Variants in MRLN observed in about 807,000 individuals in gnomAD.
MRLN encodes myoregulin, also known as Linc-RNA activator of myogenesis.
intron 1 of MRLN, among the ~76,000 whole-genome samples, chr10:59,751,175 T>C (rs1841099300): frequency 6.6e-6 from 1 of 152,124 alleles, no homozygotes; most frequent in Non-Finnish European, 1.5e-5. Context: ...TGAAAATAGA[T>C]GGTTAGGCTG....
At chr10:59,745,327 T>A (rs1363129799) in intron 1 of MRLN, among the ~76,000 whole-genome samples, 3 of 152,194 alleles carry the variant, frequency 2.0e-5, no homozygotes, top group Admixed American at 6.5e-5. Context: ...TGCTACAACT[T>A]ACTGAATGTG....
At chr10:59,741,012 G>T (rs1360057500) in intron 1 of MRLN, among the ~76,000 whole-genome samples, 3 of 152,028 alleles carry the variant, frequency 2.0e-5, no homozygotes, top group Non-Finnish European at 4.4e-5. Context: ...TGGCCAGGCT[G>T]GTCTTGAGCT....
intron 1 of MRLN, among the ~76,000 whole-genome samples, chr10:59,743,162 AT>A (rs1361574001): frequency 3.3e-5 from 5 of 151,874 alleles, no homozygotes; most frequent in African/African-American, 1.2e-4. Context: ...AATTTGGGTG[AT>A]TTTCTTTTCC....
At chr10:59,742,989 CAA>C (rs1264129839) in intron 1 of MRLN, among the ~76,000 whole-genome samples, 1 of 152,128 alleles carries the variant, frequency 6.6e-6, no homozygotes, top group African/African-American at 2.4e-5. Flanking sequence ...CTCAGCCTCC[CAA>C]AGTGGTGGGA....
At chr10:59,738,330 T>G (rs1840945062) in intron 2 of MRLN, 129 bp downstream of exon 2, 1 of 152,208 alleles carries the variant, frequency 6.6e-6, no homozygotes, top group Admixed American at 6.5e-5. Context: ...TTGTGTTTCT[T>G]CAGTCTGTGG....
chr10:59,750,232 G>A (rs1054408533), intron 1 of MRLN, among the ~76,000 whole-genome samples: 4 of 151,568 alleles, frequency 2.6e-5, no homozygotes, highest in Admixed American at 1.3e-4. Context: ...CCACCACACC[G>A]GTTAATTTTT....
chr10:59,751,858 C>T (rs149605008), intron 1 of MRLN, among the ~76,000 whole-genome samples: 152 of 152,152 alleles, frequency 1.0e-3, no homozygotes, highest in African/African-American at 3.3e-3. Context: ...TCCTGAGTTA[C>T]AGAGCAACAC....
chr10:59,742,208 T>G (rs974229039), intron 1 of MRLN, among the ~76,000 whole-genome samples: 1 of 152,164 alleles, frequency 6.6e-6, no homozygotes, highest in African/African-American at 2.4e-5. Flanking sequence ...AATTGTGGCA[T>G]AGTCATATAA....
At chr10:59,739,410 T>C (rs892566489) in intron 1 of MRLN, 3 of 152,190 alleles carry the variant, frequency 2.0e-5, no homozygotes, top group African/African-American at 7.2e-5. Context: ...ACTACACATA[T>C]CCTCCCATAT....
intron 1 of MRLN, among the ~76,000 whole-genome samples, chr10:59,751,964 T>C (rs2070161042): frequency 1.3e-5 from 2 of 152,150 alleles, no homozygotes; most frequent in African/African-American, 2.4e-5. Context: ...TTTGGAAACA[T>C]AGAAAGACAG....
At chr10:59,747,904 A>T (rs79933889) in intron 1 of MRLN, among the ~76,000 whole-genome samples, 2,537 of 152,304 alleles carry the variant, frequency 0.017, 62 homozygotes, top group African/African-American at 0.052. Context: ...AACAAGAAAA[A>T]CATACATAAT....
rs761731461 is a variant in MRLN at position 59,740,804 on chromosome 10, CTTTT to C, written c.-124-2246_-124-2243del. The stretch of plus-strand genomic sequence containing the variant: ...TCTTTCTTTCTTTCTTTCTTTCTTT[CTTTT>C]TTTTTTGAGACAGAGTCTCTCTCTT... On this transcript the variant is annotated intron_variant, in intron 1 of 2. Coordinates refer to ENST00000414264, the MANE Select transcript of MRLN (RefSeq NM_001304731.2). Among the ~76,000 whole-genome samples, 150 of 54,694 alleles carry C rather than the reference CTTTT, an allele frequency of 2.7e-3. 1 individual carries two copies. The highest frequency in any genetic ancestry group is 0.013 in the Admixed American group (70 of 5,572). The allele number at this position is 54,694 out of a possible 152,430, so 35.9% of individuals were successfully genotyped here.
At chr10:59,750,149 T>C (rs994784108) in intron 1 of MRLN, among the ~76,000 whole-genome samples, 2 of 139,532 alleles carry the variant, frequency 1.4e-5, no homozygotes, top group African/African-American at 5.3e-5. Flanking sequence ...CTTGGCTCAC[T>C]GCAACCTCCG....
intron 1 of MRLN, among the ~76,000 whole-genome samples, chr10:59,743,665 T>C (rs1209351466): frequency 6.6e-6 from 1 of 151,902 alleles, no homozygotes; most frequent in Non-Finnish European, 1.5e-5. Flanking sequence ...CATGGGTCGT[T>C]CCCCCTCCGC....
At chr10:59,737,293 TTCC>T in intron 2 of MRLN, 73 bp from the exon 3 acceptor site, 1 of 382,202 alleles carries the variant, frequency 2.6e-6, no homozygotes, top group Non-Finnish European at 4.6e-6. Context: ...AATCTAATAT[TTCC>T]ACTATAAAAA....
At chr10:59,746,360 AG>A (rs1290465262) in intron 1 of MRLN, among the ~76,000 whole-genome samples, 8 of 152,336 alleles carry the variant, frequency 5.3e-5, no homozygotes, top group Non-Finnish European at 1.2e-4. Context: ...ATTATGTGCC[AG>A]GCGCTGCTTA....
chr10:59,747,689 C>T (rs771160192), intron 1 of MRLN, among the ~76,000 whole-genome samples: 1 of 152,180 alleles, frequency 6.6e-6, no homozygotes, highest in Non-Finnish European at 1.5e-5. Context: ...TGCCAGTGAC[C>T]ACACTGTATC....
intron 1 of MRLN, among the ~76,000 whole-genome samples, chr10:59,742,529 G>A (rs1840994515): frequency 1.3e-5 from 2 of 152,116 alleles, no homozygotes; most frequent in Admixed American, 6.5e-5. Context: ...GGAGTATAGG[G>A]GAAGGAAACA....
intron 1 of MRLN, chr10:59,739,535 T>TA (rs1840959325): frequency 6.6e-6 from 1 of 152,214 alleles, no homozygotes. Context: ...AGTCTGTACA[T>TA]ATGCAATAGA....
Sources: gnomAD v4.1 joint callset for allele counts (sites outside exome capture counted in the v4.1 genomes callset) on GRCh38, gnomAD v4.1.1 for gene constraint, MANE v1.5 for transcripts, NCBI Gene and HGNC (gene_info 2026-07-23, HGNC 2026-07-21) for gene names.